ADGRL2: variants seen among roughly 807,000 people sequenced by gnomAD.
The protein encoded by ADGRL2 is calcium-independent alpha-latrotoxin receptor 2.
Under a neutral mutation model 157.4 loss-of-function variants are expected in ADGRL2, and 44 were observed. That is an observed-to-expected ratio of 0.28 (90% CI 0.22 to 0.36). The LOEUF (loss-of-function observed/expected upper bound fraction) is 0.36, where lower values mean the gene tolerates loss of function less well. Among genes scored for constraint, ADGRL2 ranks in the 10% least tolerant of loss-of-function variants. ADGRL2 has a pLI of 1.00. For synonymous variants in ADGRL2, 585 were observed against 624.7 expected (o/e 0.94, Z 0.95); for missense variants, 1,510 against 1,768.9 (o/e 0.85, Z 2.63).
chr1:81,991,056 G>A lies in ADGRL2; in HGVS notation c.4321G>A (p.Asp1441Asn), dbSNP rs773682494. Residue 1441 changes from aspartate to asparagine, a missense_variant, in exon 24 of 24, where the codon GAT becomes AAT. By Grantham distance (23) the Asp-to-Asn change is conservative. Around this residue, in one of 4 missense-constraint regions of ADGRL2, gnomAD observed 327 missense variants for 310.1 expected, o/e 1.05. Coordinates refer to ENST00000686636, the MANE Select transcript of ADGRL2 (RefSeq NM_001366006.2). The part of the protein sequence containing the change: ...MCYQISRGNS[D>N]GYIIPINKEG... ...CTACCAGATCAGCAGGGGCAATAGT[G>A]ATGGTTATATAATCCCCATTAACAA... The A allele has an allele frequency of 1.2e-6, 2 of 1,613,774 alleles. No homozygotes were observed. Among genetic ancestry groups the A allele is most frequent in the Non-Finnish European group, 1.7e-6 (2 of 1,179,906 alleles).
At chr1:81,730,457 A>AGT (rs2149173734) in intron 1 of ADGRL2, among the ~76,000 whole-genome samples, 1 of 152,302 alleles carries the variant, frequency 6.6e-6, no homozygotes, top group East Asian at 1.9e-4. Context: ...GGCCGGGCAC[A>AGT]GTGGCTTATG....
At position 81,992,578 on chromosome 1, in the gene ADGRL2, G is replaced by A. The variant is rs1449613394; in HGVS notation, c.*1433G>A. ...GTTCTTTATGCTGAAAGGAATATAT[G>A]TCTTCCAATTGCCCACTACATATGC... On this transcript the variant is annotated 3_prime_UTR_variant, in exon 24 of 24. Coordinates refer to ENST00000686636, the MANE Select transcript of ADGRL2 (RefSeq NM_001366006.2). The A allele has an allele frequency of 6.6e-6, 1 of 152,126 alleles. No individual in the cohort carries two copies. Among genetic ancestry groups the A allele is most frequent in the Non-Finnish European group, 1.5e-5 (1 of 68,022 alleles). The allele number at this position is 152,126 out of a possible 1,614,324, so 9.4% of individuals were successfully genotyped here.
At chr1:81,720,048 G>A (rs1344200620) in intron 1 of ADGRL2, among the ~76,000 whole-genome samples, 1 of 151,960 alleles carries the variant, frequency 6.6e-6, no homozygotes, top group Admixed American at 6.6e-5. Flanking sequence ...AAAATGTAAT[G>A]GTAGCATATG....
chr1:81,488,220 G>GA, intron 2 of ADGRL2, among the ~76,000 whole-genome samples: 1 of 152,080 alleles, frequency 6.6e-6, no homozygotes, highest in South Asian at 2.1e-4. Context: ...TATGTCCAGG[G>GA]AAAAAAGCAG....
intron 3 of ADGRL2, among the ~76,000 whole-genome samples, chr1:81,657,560 T>C (rs2082562317): frequency 6.6e-6 from 1 of 152,164 alleles, no homozygotes; most frequent in South Asian, 2.1e-4. Context: ...TTCTGCTCCC[T>C]TCCCACTCCC....
intron 18 of ADGRL2, 77 bp from the exon 19 acceptor site, chr1:81,981,731 T>G: frequency 8.7e-7 from 1 of 1,147,202 alleles, no homozygotes; most frequent in Non-Finnish European, 1.3e-6. Context: ...CTGCTACTAC[T>G]GATATGTTAA....
At chr1:81,307,220 A>G (rs1195095926) in intron 1 of ADGRL2, among the ~76,000 whole-genome samples, 2 of 152,220 alleles carry the variant, frequency 1.3e-5, no homozygotes, top group African/African-American at 4.8e-5. Context: ...GTTTGAGATC[A>G]ATTTTTGAGA....
intron 1 of ADGRL2, among the ~76,000 whole-genome samples, chr1:81,423,209 G>T (rs2077156124): frequency 6.6e-6 from 1 of 152,130 alleles, no homozygotes; most frequent in South Asian, 2.1e-4. Context: ...TAACAATTTT[G>T]ACAAAATTAA....
At chr1:81,629,875 G>A (rs892687556) in intron 3 of ADGRL2, among the ~76,000 whole-genome samples, 1 of 151,850 alleles carries the variant, frequency 6.6e-6, no homozygotes, top group African/African-American at 2.4e-5. Flanking sequence ...GCAAGTGTGA[G>A]CCACCATGTC....
intron 2 of ADGRL2, among the ~76,000 whole-genome samples, chr1:81,516,309 G>A (rs1489754021): frequency 3.9e-5 from 6 of 152,170 alleles, no homozygotes; most frequent in Non-Finnish European, 4.4e-5. Context: ...GGGCAATTGC[G>A]AGAGGTCCAG....
chr1:81,834,012 CAG>C (rs2092124738), intron 1 of ADGRL2, among the ~76,000 whole-genome samples: 1 of 152,098 alleles, frequency 6.6e-6, no homozygotes, highest in African/African-American at 2.4e-5. Flanking sequence ...AAGGAAAAAG[CAG>C]AGGTGGGAGT....
Position 81,966,475 on chromosome 1 carries a change from A to G in ADGRL2, c.2215A>G (p.Lys739Glu), listed in dbSNP as rs1328357460. 3.1e-6 allele frequency: 5 copies of G among 1,614,058 alleles called. No homozygotes were observed. The highest frequency in any genetic ancestry group is 4.2e-6 in the Non-Finnish European group (5 of 1,179,938). ...CCTTAGTACAGAAAATGCAACCATT[A>G]AACTGGGTGCTGATTTTATTGGTCG... ...QFLSTENATI[K>E]LGADFIGRNS... Residue 739 changes from lysine (K) to glutamate (E), a missense_variant, in exon 13 of 24, where the codon AAA becomes GAA. Around this residue, in one of 4 missense-constraint regions of ADGRL2, gnomAD observed 497 missense variants for 627.2 expected, o/e 0.79. Coordinates refer to ENST00000686636, the MANE Select transcript of ADGRL2 (RefSeq NM_001366006.2).
chr1:81,409,378 C>T (rs2101396700), intron 1 of ADGRL2, among the ~76,000 whole-genome samples: 1 of 152,294 alleles, frequency 6.6e-6, no homozygotes, highest in South Asian at 2.1e-4. Flanking sequence ...TATTTTGAAT[C>T]TGCAAATATG....
upstream of ADGRL2, among the ~76,000 whole-genome samples, chr1:81,799,327 C>G (rs781042147): frequency 1.3e-5 from 2 of 152,130 alleles, no homozygotes; most frequent in Non-Finnish European, 2.9e-5. Context: ...CACCAATGCT[C>G]TAAGTTGCTC....
chr1:81,818,351 A>G (rs535069807), intron 1 of ADGRL2, among the ~76,000 whole-genome samples: 55 of 152,250 alleles, frequency 3.6e-4, no homozygotes, highest in South Asian at 1.0e-3. Flanking sequence ...AGCATTTATA[A>G]TGTCTTGGAT....
At chr1:81,924,758 A>G (rs534705594) in intron 3 of ADGRL2, among the ~76,000 whole-genome samples, 1 of 152,180 alleles carries the variant, frequency 6.6e-6, no homozygotes, top group South Asian at 2.1e-4. Flanking sequence ...TTTCGCTACT[A>G]TAATTCCAGA....
intron 2 of ADGRL2, among the ~76,000 whole-genome samples, chr1:81,478,335 G>A (rs2078315613): frequency 6.6e-6 from 1 of 152,196 alleles, no homozygotes; most frequent in South Asian, 2.1e-4. Context: ...GAGGCCACTG[G>A]CAGGTGCCTA....
chr1:81,410,155 C>T (rs1473265438), intron 1 of ADGRL2, among the ~76,000 whole-genome samples: 1 of 152,130 alleles, frequency 6.6e-6, no homozygotes, highest in East Asian at 1.9e-4. Context: ...TTTTCATAAA[C>T]AGATATTTTT....
chr1:81,503,270 A>T, intron 2 of ADGRL2: 1 of 1,614,198 alleles, frequency 6.2e-7, no homozygotes, highest in Non-Finnish European at 8.5e-7. Context: ...GGGAGCGTTA[A>T]CATGTCTGTG....
Sources: allele counts gnomAD v4.1 joint callset (sites outside exome capture counted in the v4.1 genomes callset), GRCh38; gene constraint gnomAD v4.1.1; regional missense constraint gnomAD v4.1.1; transcripts MANE v1.5; gene names NCBI Gene and HGNC (gene_info 2026-07-23, HGNC 2026-07-21).